The following ADCY5 variants were observed in gnomAD, a reference collection of about 807,000 sequenced individuals.
The protein encoded by ADCY5 is adenylate cyclase 5.
ADCY5 carries 30 observed loss-of-function variants against 119.7 expected under a neutral mutation model. The observed-to-expected ratio is 0.25, with a 90% confidence interval of 0.19 to 0.34. The LOEUF is 0.34. Ranked by LOEUF, ADCY5 falls within the 10% of genes least tolerant of loss-of-function variation. ADCY5 has a pLI of 1.00. For missense variants in ADCY5, 1,324 were observed against 1,775.2 expected (o/e 0.75, Z 4.57); for synonymous variants, 753 against 762.2 (o/e 0.99, Z 0.20).
chr3:123,418,780 C>T (rs768594631), intron 1 of ADCY5: 2 of 152,234 alleles, frequency 1.3e-5, no homozygotes, highest in African/African-American at 4.8e-5. Flanking sequence ...ATCGCCCTCA[C>T]CAAATTCAGG....
intron 1 of ADCY5, among the ~76,000 whole-genome samples, chr3:123,385,909 T>C (rs1944205175): frequency 6.6e-6 from 1 of 152,158 alleles, no homozygotes; most frequent in Non-Finnish European, 1.5e-5. Context: ...CTGTATCTAA[T>C]CCCAAGACGG....
At chr3:123,295,829 G>A (rs1559783244) in intron 17 of ADCY5, among the ~76,000 whole-genome samples, 1 of 152,204 alleles carries the variant, frequency 6.6e-6, no homozygotes, top group South Asian at 2.1e-4. Flanking sequence ...TCCTGGACCC[G>A]TCAGAGTCCC....
intron 1 of ADCY5, among the ~76,000 whole-genome samples, chr3:123,431,211 C>T (rs1945515007): frequency 6.6e-6 from 1 of 152,210 alleles, no homozygotes; most frequent in East Asian, 1.9e-4. Context: ...TTCTAGTTTA[C>T]AGCGGAGTCA....
At chr3:123,328,454 T>C (rs1941599450) in intron 6 of ADCY5, among the ~76,000 whole-genome samples, 190 bp downstream of exon 6, 1 of 152,174 alleles carries the variant, frequency 6.6e-6, no homozygotes, top group African/African-American at 2.4e-5. Flanking sequence ...TGGCCAACGG[T>C]GGCACAGGTG....
At chr3:123,304,259 C>T in intron 12 of ADCY5, 76 bp from the exon 13 acceptor site, 2 of 1,003,696 alleles carry the variant, frequency 2.0e-6, no homozygotes, top group South Asian at 1.4e-5. Flanking sequence ...ACAAATGGTC[C>T]CGGGAGTGCA....
At chr3:123,443,974 C>T (rs982411227) in intron 1 of ADCY5, among the ~76,000 whole-genome samples, 2 of 152,188 alleles carry the variant, frequency 1.3e-5, no homozygotes, top group South Asian at 2.1e-4. Context: ...CAGGGCACAA[C>T]GATACCTTCT....
At chr3:123,401,519 G>A (rs1372021297) in intron 1 of ADCY5, among the ~76,000 whole-genome samples, 1 of 152,242 alleles carries the variant, frequency 6.6e-6, no homozygotes, top group African/African-American at 2.4e-5. Context: ...GAGTCAGGTA[G>A]AGGAGCTAAG....
At chr3:123,313,241 A>G (rs1940691047) in intron 12 of ADCY5, among the ~76,000 whole-genome samples, 1 of 152,170 alleles carries the variant, frequency 6.6e-6, no homozygotes, top group Non-Finnish European at 1.5e-5. Flanking sequence ...GACCTTGACC[A>G]TGACGTGACT....
At chr3:123,399,578 G>C (rs1172803271) in intron 1 of ADCY5, among the ~76,000 whole-genome samples, 1 of 152,084 alleles carries the variant, frequency 6.6e-6, no homozygotes, top group East Asian at 1.9e-4. Flanking sequence ...TTTTGAAGTG[G>C]AGAGTACATT....
At chr3:123,340,789 C>G (rs752165175) in intron 3 of ADCY5, among the ~76,000 whole-genome samples, 1 of 152,138 alleles carries the variant, frequency 6.6e-6, no homozygotes, top group East Asian at 1.9e-4. Flanking sequence ...ATAGAATCGC[C>G]GTATGATCCA....
At chr3:123,295,668 C>T (rs531203239) in intron 17 of ADCY5, among the ~76,000 whole-genome samples, 1 of 152,332 alleles carries the variant, frequency 6.6e-6, no homozygotes, top group African/African-American at 2.4e-5. Flanking sequence ...CTCCCCTACT[C>T]CTCCACTCAC....
At chr3:123,439,566 T>C (rs1432283234) in intron 1 of ADCY5, among the ~76,000 whole-genome samples, 1 of 152,218 alleles carries the variant, frequency 6.6e-6, no homozygotes. Flanking sequence ...TTATCACAAG[T>C]ATAGATATAC....
intron 1 of ADCY5, among the ~76,000 whole-genome samples, chr3:123,444,696 T>C (rs1210208880): frequency 1.3e-5 from 2 of 152,146 alleles, no homozygotes; most frequent in South Asian, 2.1e-4. Context: ...CAGATAATGA[T>C]GTTGAGGACC....
At chr3:123,440,076 A>C (rs1465669595) in intron 1 of ADCY5, among the ~76,000 whole-genome samples, 1 of 152,232 alleles carries the variant, frequency 6.6e-6, no homozygotes, top group African/African-American at 2.4e-5. Flanking sequence ...GCACTTCGGC[A>C]GAGCTTAGAG....
chr3:123,421,722 C>T lies in ADCY5; in HGVS notation c.1134+25690G>A, dbSNP rs192705889. Among the ~76,000 whole-genome samples, 5 of 152,332 alleles carry T rather than the reference C, an allele frequency of 3.3e-5. No homozygotes were observed. The East Asian group carries it at 9.6e-4, about 29-fold the overall frequency. ...GCCTTCCTTTTTGAGAGCTCCCCCACTGGCCTCCCAGGCAGGCACAAGACC... is the reference window on the plus strand; with the variant it reads ...GCCTTCCTTTTTGAGAGCTCCCCCATTGGCCTCCCAGGCAGGCACAAGACC... On this transcript the variant is annotated intron_variant, in intron 1 of 20. Transcript: ENST00000462833.
intron 17 of ADCY5, among the ~76,000 whole-genome samples, chr3:123,292,123 C>T (rs1262787918): frequency 6.6e-6 from 1 of 152,212 alleles, no homozygotes; most frequent in Non-Finnish European, 1.5e-5. Context: ...AGAGGTGTCA[C>T]ACACCGAGGT....
At chr3:123,414,572 T>G (rs1333508043) in intron 1 of ADCY5, among the ~76,000 whole-genome samples, 2 of 152,130 alleles carry the variant, frequency 1.3e-5, no homozygotes, top group Non-Finnish European at 2.9e-5. Context: ...ACCTTTTTTT[T>G]TTGAGACAAA....
intron 6 of ADCY5, among the ~76,000 whole-genome samples, chr3:123,328,245 G>A (rs1311696227): frequency 1.3e-5 from 2 of 151,944 alleles, no homozygotes; most frequent in Non-Finnish European, 2.9e-5. Flanking sequence ...TGTTCCCTCC[G>A]CCTAGCAGCA....
At chr3:123,325,588 C>G in intron 7 of ADCY5, 126 bp from the exon 8 acceptor site, 1 of 1,261,480 alleles carries the variant, frequency 7.9e-7, no homozygotes, top group Non-Finnish European at 1.1e-6. Flanking sequence ...TCTGCACAGC[C>G]CTGGAGCCAG....
Sources: allele counts gnomAD v4.1 joint callset (sites outside exome capture counted in the v4.1 genomes callset), GRCh38; gene constraint gnomAD v4.1.1; transcripts MANE v1.5; gene names NCBI Gene and HGNC (gene_info 2026-07-23, HGNC 2026-07-21).